AGPS: variants seen among roughly 807,000 people sequenced by gnomAD.
The protein encoded by AGPS is alkylglycerone phosphate synthase.
In AGPS, 26 loss-of-function variants were observed where a neutral mutation model predicts 90.7. The observed-to-expected ratio is 0.29, with a 90% CI of 0.21 to 0.40. The LOEUF is 0.40. Among genes scored for constraint, AGPS ranks in the 10% least tolerant of loss-of-function variants. AGPS has a pLI of 1.00. For missense variants in AGPS, 540 were observed against 816.1 expected (o/e 0.66, Z 4.12); for synonymous variants, 294 against 285.3 (o/e 1.03, Z -0.31).
At chr2:177,415,478 A>G (rs1685758857) in intron 1 of AGPS, among the ~76,000 whole-genome samples, 1 of 152,190 alleles carries the variant, frequency 6.6e-6, no homozygotes, top group South Asian at 2.1e-4. Flanking sequence ...GCATTATCAC[A>G]CTGCTAAGAA....
At chr2:177,479,411 A>G (rs1687879008) in intron 10 of AGPS, among the ~76,000 whole-genome samples, 1 of 152,196 alleles carries the variant, frequency 6.6e-6, no homozygotes, top group South Asian at 2.1e-4. Context: ...TGAAATTAAG[A>G]AAGTCTTTAG....
chr2:177,471,414 T>C (rs1471967343), intron 10 of AGPS, among the ~76,000 whole-genome samples: 1 of 152,056 alleles, frequency 6.6e-6, no homozygotes, highest in East Asian at 1.9e-4. Flanking sequence ...TTTTTCATGA[T>C]TTTTTTCAAC....
chr2:177,490,876 A>T (rs1465886082), intron 11 of AGPS, among the ~76,000 whole-genome samples: 3 of 134,586 alleles, frequency 2.2e-5, no homozygotes, highest in East Asian at 4.2e-4. Context: ...TTTTTTAAAG[A>T]CAGAGTTTTG....
chr2:177,471,010 TTAGTG>T (rs1170978781), intron 10 of AGPS, among the ~76,000 whole-genome samples: 23 of 152,278 alleles, frequency 1.5e-4, no homozygotes, highest in Admixed American at 5.9e-4. Context: ...GCTGAACAAT[TTAGTG>T]TAGTAAATAC....
At chr2:177,489,973 A>G (rs150387714) in intron 11 of AGPS, among the ~76,000 whole-genome samples, 1 of 152,302 alleles carries the variant, frequency 6.6e-6, no homozygotes, top group South Asian at 2.1e-4. Flanking sequence ...TGCATTAGTA[A>G]ATAACATGGG....
chr2:177,410,591 C>T (rs1685591875), intron 1 of AGPS, among the ~76,000 whole-genome samples: 1 of 152,180 alleles, frequency 6.6e-6, no homozygotes, highest in Non-Finnish European at 1.5e-5. Context: ...GTAAAGTTCC[C>T]CAGTCACAAC....
At chr2:177,417,971 T>C (rs951607455) in intron 1 of AGPS, among the ~76,000 whole-genome samples, 4 of 152,112 alleles carry the variant, frequency 2.6e-5, no homozygotes, top group African/African-American at 9.7e-5. Context: ...ACACCTGGGG[T>C]ACTTGAAGAT....
chr2:177,468,811 GTTTAT>G (rs1365839639), intron 10 of AGPS, among the ~76,000 whole-genome samples: 1 of 151,870 alleles, frequency 6.6e-6, no homozygotes, highest in African/African-American at 2.4e-5. Flanking sequence ...ATTTAAAATG[GTTTAT>G]TTTGACATTT....
chr2:177,455,494 A>T (rs7565022), intron 8 of AGPS, among the ~76,000 whole-genome samples: 92,562 of 151,562 alleles, frequency 0.61, 30,876 homozygotes, highest in Non-Finnish European at 0.73. Context: ...GAGTCTCGCT[A>T]TGTTGCCCAG....
intron 1 of AGPS, among the ~76,000 whole-genome samples, chr2:177,418,459 T>A (rs147591143): frequency 2.0e-5 from 3 of 152,218 alleles, no homozygotes; most frequent in African/African-American, 7.2e-5. Context: ...TCAACCTCTG[T>A]ACTGAAATGA....
At chr2:177,536,410 T>C (rs1462721671) in intron 19 of AGPS, among the ~76,000 whole-genome samples, 1 of 146,124 alleles carries the variant, frequency 6.8e-6, no homozygotes, top group South Asian at 2.1e-4. Flanking sequence ...AGTAGTTGTT[T>C]AAAAAAAAAA....
chr2:177,426,640 T>A (rs1275275601), intron 2 of AGPS, among the ~76,000 whole-genome samples: 1 of 152,192 alleles, frequency 6.6e-6, no homozygotes, highest in African/African-American at 2.4e-5. Flanking sequence ...CTGTGTCCAT[T>A]GAGATAATCA....
intron 1 of AGPS, among the ~76,000 whole-genome samples, chr2:177,412,909 T>A (rs1288920989): frequency 6.6e-6 from 1 of 152,168 alleles, no homozygotes; most frequent in African/African-American, 2.4e-5. Flanking sequence ...GGCAAGCCTT[T>A]AGCCCGATCG....
chr2:177,410,877 G>C (rs186035736), intron 1 of AGPS, among the ~76,000 whole-genome samples: 7 of 152,176 alleles, frequency 4.6e-5, no homozygotes, highest in Non-Finnish European at 1.0e-4. Flanking sequence ...ATCCCCTGGG[G>C]CAGTGGGCCT....
At chr2:177,414,764 C>T (rs575964056) in intron 1 of AGPS, among the ~76,000 whole-genome samples, 84 of 152,056 alleles carry the variant, frequency 5.5e-4, no homozygotes, top group African/African-American at 1.9e-3. Context: ...GGCTGAGCAG[C>T]GTATTTGCCT....
In AGPS at chr2:177,423,005, C is replaced by T. The variant is rs1441698111; in HGVS notation, c.350+2647C>T. ...AAGTTAAGTAGCTTACCTGAAGTCA[C>T]CTGCATAGTGGTAAATTGGGATTAA... On this transcript the variant is annotated intron_variant, in intron 2 of 19. Coordinates refer to ENST00000264167, the MANE Select transcript of AGPS (RefSeq NM_003659.4). 7.5e-5 allele frequency among the ~76,000 whole-genome samples: 2 copies of T among 26,708 alleles called. 1 individual carries two copies. Among genetic ancestry groups the T allele is most frequent in the African/African-American group, 1.8e-4 (2 of 11,154 alleles). The allele number at this position is 26,708 out of a possible 152,430, so 17.5% of individuals were successfully genotyped here.
chr2:177,524,896 C>T (rs948604262), intron 19 of AGPS, among the ~76,000 whole-genome samples: 3 of 152,158 alleles, frequency 2.0e-5, no homozygotes, highest in Non-Finnish European at 2.9e-5. Context: ...CATATTCTTA[C>T]AGCAAGGTCT....
At chr2:177,514,511 A>G (rs918593679) in intron 17 of AGPS, among the ~76,000 whole-genome samples, 13 of 151,568 alleles carry the variant, frequency 8.6e-5, no homozygotes, top group African/African-American at 3.2e-4. Flanking sequence ...TTCCTTTCCA[A>G]TGACAAGTCC....
At chr2:177,477,884 A>C (rs1015691302) in intron 10 of AGPS, among the ~76,000 whole-genome samples, 5 of 152,160 alleles carry the variant, frequency 3.3e-5, no homozygotes, top group Admixed American at 3.3e-4. Context: ...AATGCTTTTT[A>C]AATCAGATGT....
Sources: gnomAD v4.1 joint callset for allele counts (sites outside exome capture counted in the v4.1 genomes callset) on GRCh38, gnomAD v4.1.1 for gene constraint, MANE v1.5 for transcripts, NCBI Gene and HGNC (gene_info 2026-07-23, HGNC 2026-07-21) for gene names.